Variants in IMMP2L observed in about 807,000 individuals in gnomAD.
The protein encoded by IMMP2L is inner mitochondrial membrane peptidase subunit 2.
Under a neutral mutation model 19.3 loss-of-function variants are expected in IMMP2L, and 18 were observed. The observed-to-expected ratio is 0.93, with a 90% CI of 0.64 to 1.38. IMMP2L has a LOEUF of 1.38. IMMP2L is among the 40% of genes most tolerant of loss of function. The pLI is 0.00. For missense variants in IMMP2L, 233 were observed against 218.2 expected (o/e 1.07, Z -0.43); for synonymous variants, 76 against 73.0 (o/e 1.04, Z -0.21).
chr7:111,071,384 A>T (rs1404317714), intron 3 of IMMP2L, among the ~76,000 whole-genome samples: 1 of 152,204 alleles, frequency 6.6e-6, no homozygotes, highest in Non-Finnish European at 1.5e-5. Context: ...TTCCATTCCT[A>T]GGTACGTATA....
Position 111,407,499 on chromosome 7 carries a change from CT to C in IMMP2L, c.239+79738del, listed in dbSNP as rs535542513. 4.1e-4 allele frequency among the ~76,000 whole-genome samples: 63 copies of C among 152,070 alleles called. 2 individuals are homozygous for C. In the South Asian group the frequency reaches 0.011, roughly 25 times the overall value. On this transcript the variant is annotated intron_variant, in intron 3 of 5. Coordinates refer to ENST00000405709, the MANE Select transcript of IMMP2L (RefSeq NM_032549.4). ...AAAAAGAACAAAATACAGATACATA[CT>C]GTAACATGGATGAACCTCAGAAACA...
chr7:111,066,014 A>C (rs1794466240), intron 3 of IMMP2L, among the ~76,000 whole-genome samples: 2 of 138,216 alleles, frequency 1.4e-5, no homozygotes, highest in African/African-American at 5.4e-5. Flanking sequence ...TTTGAGATGA[A>C]GTCTCCCAGG....
At chr7:111,544,670 T>G (rs562762488) in intron 1 of IMMP2L, among the ~76,000 whole-genome samples, 1 of 152,238 alleles carries the variant, frequency 6.6e-6, no homozygotes, top group East Asian at 1.9e-4. Context: ...AGGTGGCCTT[T>G]GTAGCAGAGG....
intron 5 of IMMP2L, among the ~76,000 whole-genome samples, chr7:110,878,583 T>C (rs549854809): frequency 6.6e-6 from 1 of 152,178 alleles, no homozygotes; most frequent in African/African-American, 2.4e-5. Context: ...CTATACTAAA[T>C]ACAGTTAAAT....
chr7:110,713,784 G>A (rs1795056364), intron 5 of IMMP2L, among the ~76,000 whole-genome samples: 1 of 151,874 alleles, frequency 6.6e-6, no homozygotes, highest in Non-Finnish European at 1.5e-5. Context: ...TTTGGACATT[G>A]ATTTTGTACT....
intron 3 of IMMP2L, among the ~76,000 whole-genome samples, chr7:111,318,205 C>A (rs1008669106): frequency 3.9e-5 from 6 of 152,032 alleles, no homozygotes; most frequent in Non-Finnish European, 8.8e-5. Context: ...TTTAAGGAGC[C>A]CAAATATCAG....
intron 3 of IMMP2L, among the ~76,000 whole-genome samples, chr7:110,997,000 T>C (rs1823109462): frequency 6.6e-6 from 1 of 152,116 alleles, no homozygotes; most frequent in African/African-American, 2.4e-5. Context: ...TGTAGATTCA[T>C]GTGCCATCAT....
intron 3 of IMMP2L, among the ~76,000 whole-genome samples, chr7:111,063,421 C>T (rs149971372): frequency 6.6e-6 from 1 of 152,188 alleles, no homozygotes; most frequent in Non-Finnish European, 1.5e-5. Context: ...GGACAGGCTG[C>T]TGTGAAGACT....
intron 3 of IMMP2L, among the ~76,000 whole-genome samples, chr7:111,201,949 G>T (rs1810185468): frequency 6.6e-6 from 1 of 152,142 alleles, no homozygotes; most frequent in African/African-American, 2.4e-5. Flanking sequence ...CTCCAGAACT[G>T]TGAGAAATAA....
intron 4 of IMMP2L, among the ~76,000 whole-genome samples, chr7:110,931,048 C>T (rs1815422320): frequency 6.6e-6 from 1 of 151,968 alleles, no homozygotes; most frequent in Non-Finnish European, 1.5e-5. Flanking sequence ...AGGCTGAGGA[C>T]AGGAGTGAGA....
At chr7:111,180,822 A>C (rs1291001387) in intron 3 of IMMP2L, among the ~76,000 whole-genome samples, 1 of 152,062 alleles carries the variant, frequency 6.6e-6, no homozygotes, top group Non-Finnish European at 1.5e-5. Context: ...GTTTCATTTT[A>C]TAAATTGAGA....
chr7:111,470,417 T>C (rs1214188670), intron 3 of IMMP2L, among the ~76,000 whole-genome samples: 2 of 152,046 alleles, frequency 1.3e-5, no homozygotes, highest in African/African-American at 2.4e-5. Context: ...TATAGACACA[T>C]GCACACGTAT....
At chr7:110,934,382 C>A (rs1349161290) in intron 4 of IMMP2L, among the ~76,000 whole-genome samples, 1 of 152,070 alleles carries the variant, frequency 6.6e-6, no homozygotes, top group Non-Finnish European at 1.5e-5. Context: ...GAGTTCAAGT[C>A]CTGAATATCA....
intron 5 of IMMP2L, among the ~76,000 whole-genome samples, chr7:110,768,550 A>T (rs758754979): frequency 3.3e-5 from 5 of 152,102 alleles, no homozygotes; most frequent in Non-Finnish European, 7.4e-5. Context: ...AGCCATAATG[A>T]ACTACTTTTG....
At chr7:111,548,644 T>A (rs555205678) in intron 1 of IMMP2L, among the ~76,000 whole-genome samples, 1 of 152,266 alleles carries the variant, frequency 6.6e-6, no homozygotes, top group East Asian at 1.9e-4. Context: ...AGTGTATAGT[T>A]TTTTTTATAA....
At chr7:111,459,525 TTATTA>T (rs1410653656) in intron 3 of IMMP2L, among the ~76,000 whole-genome samples, 2 of 152,140 alleles carry the variant, frequency 1.3e-5, no homozygotes, top group African/African-American at 4.8e-5. Flanking sequence ...CTTTATATCT[TTATTA>T]TATCATTATA....
chr7:111,372,113 T>A (rs1830308469), intron 3 of IMMP2L, among the ~76,000 whole-genome samples: 1 of 151,922 alleles, frequency 6.6e-6, no homozygotes. Context: ...ACATCATGCA[T>A]AAAAATTGCA....
chr7:110,836,837 A>T (rs1279053539), intron 5 of IMMP2L, among the ~76,000 whole-genome samples: 1 of 152,164 alleles, frequency 6.6e-6, no homozygotes. Flanking sequence ...GAATTGGAAA[A>T]CAATTTTAAA....
intron 4 of IMMP2L, among the ~76,000 whole-genome samples, chr7:110,889,005 C>T (rs1473244799): frequency 2.6e-5 from 4 of 152,172 alleles, no homozygotes; most frequent in Non-Finnish European, 4.4e-5. Flanking sequence ...TACATAGGTT[C>T]TGGAAACAGA....
Sources: allele counts gnomAD v4.1 joint callset (sites outside exome capture counted in the v4.1 genomes callset), GRCh38; gene constraint gnomAD v4.1.1; transcripts MANE v1.5; gene names NCBI Gene and HGNC (gene_info 2026-07-23, HGNC 2026-07-21).